The following SGSM1 variants were observed in gnomAD, a reference collection of about 807,000 sequenced individuals.
SGSM1 encodes small G protein signaling modulator 1.
A neutral mutation model predicts 133.8 loss-of-function variants in SGSM1; 73 were observed. That is an observed-to-expected ratio of 0.55 (90% CI 0.45 to 0.66). The LOEUF (loss-of-function observed/expected upper bound fraction) is 0.66. Ranked by LOEUF, SGSM1 falls within the 30% of genes least tolerant of loss-of-function variation. SGSM1 has a pLI of 0.00. For missense variants in SGSM1, 1,213 were observed against 1,448.1 expected (o/e 0.84, Z 2.64); for synonymous variants, 563 against 573.0 (o/e 0.98, Z 0.25).
At chr22:24,915,198 C>G (rs1477341920) in intron 22 of SGSM1, among the ~76,000 whole-genome samples, 1 of 151,966 alleles carries the variant, frequency 6.6e-6, no homozygotes, top group Admixed American at 6.6e-5. Context: ...CACTGGACTC[C>G]AGCCTGGGCG....
chr22:24,874,941 G>A (rs549128591), intron 12 of SGSM1, among the ~76,000 whole-genome samples: 9 of 152,352 alleles, frequency 5.9e-5, no homozygotes, highest in African/African-American at 2.2e-4. Context: ...TAGCTCATGG[G>A]TGAGTCTACA....
chr22:24,896,308 G>T (rs867311587), intron 18 of SGSM1, among the ~76,000 whole-genome samples: 4 of 151,988 alleles, frequency 2.6e-5, no homozygotes, highest in African/African-American at 9.7e-5. Context: ...CTGAAGCTAG[G>T]TAAACTTTTT....
At chr22:24,884,322 C>T in intron 15 of SGSM1, 124 bp downstream of exon 15, 1 of 1,261,852 alleles carries the variant, frequency 7.9e-7, no homozygotes, top group Non-Finnish European at 1.1e-6. Context: ...TCTGCATATG[C>T]AAATTGGAGT....
intron 22 of SGSM1, among the ~76,000 whole-genome samples, chr22:24,913,040 A>T (rs761393068): frequency 5.9e-5 from 9 of 152,138 alleles, no homozygotes; most frequent in Non-Finnish European, 1.3e-4. Flanking sequence ...TGCCTCTCAG[A>T]GCATAGTCCA....
At chr22:24,923,921 C>T (rs551765067) in intron 24 of SGSM1, among the ~76,000 whole-genome samples, 1 of 152,310 alleles carries the variant, frequency 6.6e-6, no homozygotes, top group South Asian at 2.1e-4. Context: ...CATGCCCGGC[C>T]GACCTCACCT....
At chr22:24,848,737 T>G (rs1930289319) in intron 4 of SGSM1, among the ~76,000 whole-genome samples, 1 of 152,232 alleles carries the variant, frequency 6.6e-6, no homozygotes, top group South Asian at 2.1e-4. Context: ...GATTGATTGG[T>G]CATGTCTGTC....
chr22:24,809,738 G>A (rs1223646881), intron 2 of SGSM1, among the ~76,000 whole-genome samples: 2 of 152,152 alleles, frequency 1.3e-5, no homozygotes, highest in Non-Finnish European at 2.9e-5. Context: ...GTCCTCCTGG[G>A]GCTGACCTTG....
At chr22:24,824,433 G>A (rs528839631) in intron 2 of SGSM1, among the ~76,000 whole-genome samples, 1 of 152,098 alleles carries the variant, frequency 6.6e-6, no homozygotes, top group East Asian at 1.9e-4. Context: ...CACACCCCAA[G>A]TCTGTTGGTG....
chr22:24,825,641 G>T (rs1039122789), intron 2 of SGSM1, among the ~76,000 whole-genome samples: 7 of 152,146 alleles, frequency 4.6e-5, no homozygotes, highest in African/African-American at 1.7e-4. Context: ...TATTGGCCAG[G>T]CTGGTCTCGA....
At chr22:24,922,371 G>T (rs1934042849) in intron 24 of SGSM1, among the ~76,000 whole-genome samples, 2 of 151,508 alleles carry the variant, frequency 1.3e-5, no homozygotes, top group African/African-American at 4.9e-5. Flanking sequence ...TAGTAGAGAT[G>T]GGGTTTCACC....
intron 21 of SGSM1, among the ~76,000 whole-genome samples, chr22:24,905,940 A>G (rs1293105676): frequency 6.6e-6 from 1 of 152,150 alleles, no homozygotes; most frequent in East Asian, 1.9e-4. Context: ...GCACCCAGAT[A>G]CCAATAACAG....
chr22:24,926,892 G>T lies in SGSM1; in HGVS notation c.*2618G>T, dbSNP rs1934227137. 6.6e-6 allele frequency: 1 copy of T among 150,882 alleles called. No individual in the cohort carries two copies. The highest frequency in any genetic ancestry group is 1.5e-5 in the Non-Finnish European group (1 of 67,788). 9.3% of individuals were successfully genotyped at this position (150,882 alleles called of 1,614,324 possible). ...TTTTTTTAATTTGAAAGAAAAAAAT[G>T]CTTGCTTCTGAGGACTGTGTCCTCC... On this transcript the variant is annotated 3_prime_UTR_variant, in exon 25 of 25. Transcript: ENST00000400358.
At chr22:24,829,065 G>C (rs5996767) in intron 2 of SGSM1, among the ~76,000 whole-genome samples, 6 of 151,532 alleles carry the variant, frequency 4.0e-5, no homozygotes, top group African/African-American at 1.5e-4. Flanking sequence ...GCATGGTGGC[G>C]GGCGCCTGTA....
intron 10 of SGSM1, 54 bp from the exon 11 acceptor site, chr22:24,868,322 A>G: frequency 6.4e-7 from 1 of 1,565,766 alleles, no homozygotes; most frequent in Non-Finnish European, 8.7e-7. Context: ...AGGGGCTGTC[A>G]CCGTGCCTCA....
At chr22:24,832,545 T>A (rs1379032350) in intron 2 of SGSM1, among the ~76,000 whole-genome samples, 1 of 152,170 alleles carries the variant, frequency 6.6e-6, no homozygotes, top group Non-Finnish European at 1.5e-5. Context: ...CTCACAGCAC[T>A]GTGGAGAGGG....
intron 21 of SGSM1, among the ~76,000 whole-genome samples, chr22:24,905,916 T>C (rs1175231818): frequency 3.3e-5 from 5 of 152,110 alleles, no homozygotes; most frequent in African/African-American, 1.2e-4. Context: ...ATATGAGGAC[T>C]GGGTGTCTCA....
intron 9 of SGSM1, among the ~76,000 whole-genome samples, chr22:24,860,914 AAAAAAAAAATATATAT>A (rs1194145680): frequency 5.2e-5 from 5 of 96,014 alleles, no homozygotes; most frequent in South Asian, 4.1e-4. Flanking sequence ...AAAAAAAAAA[AAAAAAAAAATATATAT>A]ATATATATAT....
intron 19 of SGSM1, among the ~76,000 whole-genome samples, chr22:24,899,522 T>A (rs1021781481): frequency 7.0e-6 from 1 of 143,200 alleles, no homozygotes; most frequent in Non-Finnish European, 1.5e-5. Context: ...TCTTTTCTTT[T>A]TTTTTTTTTT....
intron 2 of SGSM1, among the ~76,000 whole-genome samples, chr22:24,821,741 A>G (rs1264311322): frequency 1.3e-5 from 2 of 152,032 alleles, no homozygotes; most frequent in Non-Finnish European, 2.9e-5. Context: ...TTTCCCCCCC[A>G]AAGTCTGTAT....
Sources: allele counts gnomAD v4.1 joint callset (sites outside exome capture counted in the v4.1 genomes callset), GRCh38; gene constraint gnomAD v4.1.1; transcripts MANE v1.5; gene names NCBI Gene and HGNC (gene_info 2026-07-23, HGNC 2026-07-21).